Variants in CNTNAP2 observed in about 807,000 individuals in gnomAD.
CNTNAP2 encodes the protein contactin associated protein 2, also known as contactin-associated protein-like 2.
Under a neutral mutation model 155.2 loss-of-function variants are expected in CNTNAP2, and 98 were observed. That is an observed-to-expected ratio of 0.63 (90% CI 0.54 to 0.75). CNTNAP2 has a LOEUF of 0.75. Among genes scored for constraint, CNTNAP2 ranks in the 30% least tolerant of loss-of-function variants. The pLI, the probability that CNTNAP2 is intolerant of heterozygous loss-of-function variation, is 0.00. For missense variants in CNTNAP2, 1,727 were observed against 1,688.1 expected (o/e 1.02, Z -0.40); for synonymous variants, 651 against 631.2 (o/e 1.03, Z -0.47).
At chr7:146,664,838 C>T (rs934044091) in intron 1 of CNTNAP2, among the ~76,000 whole-genome samples, 2 of 152,058 alleles carry the variant, frequency 1.3e-5, no homozygotes, top group African/African-American at 4.8e-5. Context: ...ACTATTTAGG[C>T]TGTTTCTTCT....
intron 8 of CNTNAP2, among the ~76,000 whole-genome samples, chr7:147,207,322 A>G (rs1297917134): frequency 6.6e-6 from 1 of 152,206 alleles, no homozygotes; most frequent in East Asian, 1.9e-4. Flanking sequence ...AGTTTACTAC[A>G]TTGGAGTATT....
At chr7:147,494,139 C>T (rs1258067688) in intron 11 of CNTNAP2, among the ~76,000 whole-genome samples, 1 of 152,172 alleles carries the variant, frequency 6.6e-6, no homozygotes, top group Non-Finnish European at 1.5e-5. Context: ...AGCTCCTTTA[C>T]TCTCATATTC....
At chr7:148,124,070 G>A (rs1418472894) in intron 16 of CNTNAP2, among the ~76,000 whole-genome samples, 1 of 152,160 alleles carries the variant, frequency 6.6e-6, no homozygotes, top group Non-Finnish European at 1.5e-5. Flanking sequence ...GAAAACTATG[G>A]TAGAGAAGGG....
intron 9 of CNTNAP2, among the ~76,000 whole-genome samples, chr7:147,368,002 G>GTC (rs1681081262): frequency 8.7e-6 from 1 of 115,584 alleles, no homozygotes; most frequent in Non-Finnish European, 1.8e-5. Context: ...CTCTCTCTCT[G>GTC]TCTCTCTCTC....
intron 13 of CNTNAP2, among the ~76,000 whole-genome samples, chr7:147,773,226 T>A (rs1797502904): frequency 6.6e-6 from 1 of 152,222 alleles, no homozygotes; most frequent in South Asian, 2.1e-4. Context: ...ATTTTTTTAA[T>A]GGAAGTAATT....
intron 1 of CNTNAP2, among the ~76,000 whole-genome samples, chr7:146,702,987 C>T (rs543224662): frequency 1.3e-5 from 2 of 152,198 alleles, no homozygotes; most frequent in South Asian, 2.1e-4. Context: ...TCTCTTTTTA[C>T]GTGAGACAAA....
intron 3 of CNTNAP2, among the ~76,000 whole-genome samples, chr7:146,984,859 C>G (rs12703874): frequency 0.2 from 31,161 of 152,148 alleles, 3,992 homozygotes; most frequent in Non-Finnish European, 0.27. Context: ...ATGCCGTCAG[C>G]TAAACATAAT....
chr7:146,766,533 A>T (rs1802197739), intron 1 of CNTNAP2, among the ~76,000 whole-genome samples: 1 of 152,118 alleles, frequency 6.6e-6, no homozygotes, highest in South Asian at 2.1e-4. Flanking sequence ...AGAAAACTAG[A>T]CTTCAAAAGC....
chr7:148,074,462 G>A (rs990058805), intron 15 of CNTNAP2, among the ~76,000 whole-genome samples: 9 of 152,130 alleles, frequency 5.9e-5, no homozygotes, highest in East Asian at 5.8e-4. Context: ...AGGCCGAGGC[G>A]GGTTGATCAC....
At chr7:147,720,786 TGTGA>T (rs1796555544) in intron 13 of CNTNAP2, among the ~76,000 whole-genome samples, 1 of 152,142 alleles carries the variant, frequency 6.6e-6, no homozygotes, top group Admixed American at 6.5e-5. Flanking sequence ...CATGCTGAAC[TGTGA>T]GTTAGTTAAA....
Position 147,854,497 on chromosome 7 carries a change from A to G in CNTNAP2, c.2099-49068A>G, listed in dbSNP as rs554605343. On this transcript the variant is annotated intron_variant, in intron 13 of 23. Transcript: ENST00000361727. Reference sequence around the variant, plus strand: ...CCTACTTTTTGAAAGAGTGGCTAGGATACATGAAGTCATTACAGTATCAAC... The same window carrying G: ...CCTACTTTTTGAAAGAGTGGCTAGGGTACATGAAGTCATTACAGTATCAAC... Among the ~76,000 whole-genome samples the G allele has an allele frequency of 8.7e-4, 132 of 152,214 alleles. 3 individuals are homozygous for G. In the South Asian group the frequency reaches 0.024, roughly 28 times the overall value.
At chr7:146,379,311 G>A (rs1475412639) in intron 1 of CNTNAP2, among the ~76,000 whole-genome samples, 2 of 152,188 alleles carry the variant, frequency 1.3e-5, no homozygotes, top group Non-Finnish European at 2.9e-5. Flanking sequence ...TTTGGCATAT[G>A]TATTTGAGGG....
At chr7:147,197,411 G>GT (rs1213408600) in intron 8 of CNTNAP2, among the ~76,000 whole-genome samples, 16 of 133,146 alleles carry the variant, frequency 1.2e-4, no homozygotes, top group African/African-American at 4.6e-4. Flanking sequence ...TTCTTGCTCT[G>GT]TGTGTTTCGT....
chr7:146,557,163 T>A (rs558713416), intron 1 of CNTNAP2, among the ~76,000 whole-genome samples: 11 of 152,004 alleles, frequency 7.2e-5, no homozygotes, highest in Non-Finnish European at 1.6e-4. Flanking sequence ...CTCCCAACAG[T>A]GCCATCAGCT....
intron 9 of CNTNAP2, among the ~76,000 whole-genome samples, chr7:147,391,133 C>T (rs140828350): frequency 0.011 from 1,674 of 152,274 alleles, 13 homozygotes; most frequent in Non-Finnish European, 0.017. Context: ...GCCATCCTCA[C>T]ACCACATATA....
chr7:147,823,737 A>G (rs1240252914), intron 13 of CNTNAP2, among the ~76,000 whole-genome samples: 1 of 151,422 alleles, frequency 6.6e-6, no homozygotes, highest in Non-Finnish European at 1.5e-5. Flanking sequence ...AAAAAAAATT[A>G]CTGAAGCTAC....
intron 3 of CNTNAP2, among the ~76,000 whole-genome samples, chr7:147,001,781 A>C (rs761938707): frequency 6.6e-6 from 1 of 152,068 alleles, no homozygotes; most frequent in Non-Finnish European, 1.5e-5. Context: ...AAAAAAAGAA[A>C]AGATGTAACA....
At position 146,855,399 on chromosome 7, in the gene CNTNAP2, G is replaced by A. The variant is rs1794954421; in HGVS notation, c.402+15495G>A. Among the ~76,000 whole-genome samples the A allele has an allele frequency of 2.6e-5, 4 of 152,188 alleles. No individual in the cohort carries two copies. In the South Asian group the frequency reaches 8.3e-4, roughly 32 times the overall value. ...ACGCACAAAGTTATTTCTTGCCATT[G>A]TATTTGTAATTACAAAATATTGGAA... On this transcript the variant is annotated intron_variant, in intron 3 of 23. Coordinates refer to ENST00000361727, the MANE Select transcript of CNTNAP2 (RefSeq NM_014141.6).
intron 9 of CNTNAP2, among the ~76,000 whole-genome samples, chr7:147,321,917 A>C (rs1484046487): frequency 6.6e-6 from 1 of 152,198 alleles, no homozygotes; most frequent in Non-Finnish European, 1.5e-5. Context: ...GTTCAGCTTG[A>C]GTAACAGAGA....
Sources: allele counts gnomAD v4.1 joint callset (sites outside exome capture counted in the v4.1 genomes callset), GRCh38; gene constraint gnomAD v4.1.1; transcripts MANE v1.5; gene names NCBI Gene and HGNC (gene_info 2026-07-23, HGNC 2026-07-21).